OAS2: variants seen among roughly 807,000 people sequenced by gnomAD.
The protein encoded by OAS2 is 2'-5'-oligoadenylate synthase 2.
Under a neutral mutation model 71.3 loss-of-function variants are expected in OAS2, and 67 were observed. The ratio of observed to expected loss-of-function variants is 0.94; its 90% confidence interval spans 0.77 to 1.15. The LOEUF (loss-of-function observed/expected upper bound fraction) is 1.15. OAS2 is among the 50% of genes most tolerant of loss of function. The pLI is 0.00. For missense variants in OAS2, 789 were observed against 822.5 expected (o/e 0.96, Z 0.50); for synonymous variants, 327 against 321.8 (o/e 1.02, Z -0.17).
intron 7 of OAS2, 117 bp from the exon 8 acceptor site, chr12:113,006,296 A>G (rs997306578): frequency 2.4e-6 from 2 of 837,378 alleles, no homozygotes; most frequent in African/African-American, 3.4e-5. Context: ...TCTTTTAAAT[A>G]TGCTAATACT....
chr12:112,994,009 C>T (rs1408021615), intron 2 of OAS2, among the ~76,000 whole-genome samples: 1 of 151,620 alleles, frequency 6.6e-6, no homozygotes, highest in Non-Finnish European at 1.5e-5. Context: ...AGAAATTGAC[C>T]CTTCTGATCT....
rs187453752 is a variant in OAS2, at chr12:113,007,552, A to G, written c.1657-153A>G. 1.9e-3 allele frequency among the ~76,000 whole-genome samples: 282 copies of G among 152,210 alleles called. 1 individual carries two copies. The highest frequency in any genetic ancestry group is 4.7e-3 in the Admixed American group (72 of 15,290). ...ACTCAAATGTGCTGCTGCCAGGTGG[A>G]CTCCTGTAGGCTGTACAATTTAGAC... On this transcript the variant is annotated intron_variant, in intron 8 of 9. Coordinates refer to ENST00000392583, the MANE Select transcript of OAS2 (RefSeq NM_002535.3).
intron 7 of OAS2, among the ~76,000 whole-genome samples, chr12:113,006,055 TG>T (rs2044332445): frequency 1.3e-5 from 2 of 151,910 alleles, no homozygotes; most frequent in Admixed American, 1.3e-4. Context: ...GTTCTATGTC[TG>T]GGTTCTACAA....
At chr12:112,992,148 G>A (rs571524212) in intron 2 of OAS2, among the ~76,000 whole-genome samples, 7 of 151,992 alleles carry the variant, frequency 4.6e-5, no homozygotes, top group South Asian at 4.1e-4. Context: ...TAATCCCAGC[G>A]CTTTGGGAGG....
intron 1 of OAS2, among the ~76,000 whole-genome samples, chr12:112,980,344 T>G (rs1429742870): frequency 2.0e-5 from 3 of 152,188 alleles, no homozygotes; most frequent in African/African-American, 7.2e-5. Flanking sequence ...ACACTAGAAT[T>G]TATCCCTTCT....
intron 8 of OAS2, among the ~76,000 whole-genome samples, chr12:113,007,027 C>T (rs946287735): frequency 5.3e-5 from 8 of 152,214 alleles, no homozygotes; most frequent in South Asian, 2.1e-4. Flanking sequence ...GCTTGAACAA[C>T]TGGTCAGCCC....
intron 2 of OAS2, among the ~76,000 whole-genome samples, chr12:112,995,016 G>A (rs145815604): frequency 2.0e-4 from 31 of 152,178 alleles, no homozygotes; most frequent in African/African-American, 6.3e-4. Context: ...TCCCTTTCTC[G>A]TTTATAATTC....
Position 113,007,731 on chromosome 12 carries a change from G to C in OAS2, c.1683G>C (p.Gly561=), listed in dbSNP as rs2044346902. 1 of 1,613,992 alleles carries C rather than the reference G, an allele frequency of 6.2e-7. No homozygotes were observed. Among genetic ancestry groups the C allele is most frequent in the African/African-American group, 1.3e-5 (1 of 74,918 alleles). The stretch of plus-strand genomic sequence containing the variant: ...GTGAAAGGAAACTGAAGCCAAAGGG[G>C]TCTTTGCCCCCAAAGTATGCCTTGG... ...KECERKLKPK[G]SLPPKYALEL... The change falls in exon 9 of 10, where the codon GGG becomes GGC. Residue 561 remains glycine, a synonymous_variant. Coordinates refer to ENST00000392583, the MANE Select transcript of OAS2 (RefSeq NM_002535.3).
chr12:113,001,290 G>A (rs1393222997), intron 5 of OAS2, among the ~76,000 whole-genome samples: 1 of 151,862 alleles, frequency 6.6e-6, no homozygotes, highest in African/African-American at 2.4e-5. Flanking sequence ...TTGTGCCACT[G>A]CATTCAGCCT....
intron 5 of OAS2, among the ~76,000 whole-genome samples, chr12:112,999,574 G>A (rs2044265965): frequency 6.6e-6 from 1 of 152,150 alleles, no homozygotes; most frequent in Non-Finnish European, 1.5e-5. Flanking sequence ...ACAGAGGTTG[G>A]GGAGTCTATG....
intron 8 of OAS2, 78 bp from the exon 9 acceptor site, chr12:113,007,627 G>C: frequency 8.7e-7 from 1 of 1,148,684 alleles, no homozygotes; most frequent in Non-Finnish European, 1.3e-6. Flanking sequence ...TGACTCAGTT[G>C]CCTTGCTGTG....
intron 5 of OAS2, among the ~76,000 whole-genome samples, chr12:113,001,664 C>T (rs1007530212): frequency 3.3e-5 from 5 of 151,226 alleles, no homozygotes; most frequent in African/African-American, 1.2e-4. Flanking sequence ...CTTCCAACAT[C>T]ACACCACCTA....
At chr12:112,983,667 T>A (rs2044104072) in intron 1 of OAS2, among the ~76,000 whole-genome samples, 1 of 152,260 alleles carries the variant, frequency 6.6e-6, no homozygotes, top group African/African-American at 2.4e-5. Flanking sequence ...TTTTCATTTG[T>A]TTCCAGAAAT....
rs200173347 is a variant in OAS2 at position 113,007,866 on chromosome 12, C to A, written c.1818C>A (p.Cys606Ter). ...LELVTQYQQLCIFWKVNYNFE... is the reference protein window; with the variant it reads ...LELVTQYQQL ...TGGTCACACAATATCAGCAGCTCTG[C>A]ATCTTCTGGAAGGTCAATTACAACT... Residue 606 changes from cysteine to a stop codon, truncating the protein, a stop_gained, in exon 9 of 10, where the codon TGC (cysteine) becomes TGA (stop). Transcript: ENST00000392583. LOFTEE classifies it high-confidence loss of function. 6.2e-7 allele frequency: 1 copy of A among 1,614,170 alleles called. No homozygotes were observed. The highest frequency in any genetic ancestry group is 8.5e-7 in the Non-Finnish European group (1 of 1,180,020).
At chr12:112,991,877 A>G (rs1385203221) in intron 2 of OAS2, among the ~76,000 whole-genome samples, 2 of 152,134 alleles carry the variant, frequency 1.3e-5, no homozygotes, top group Admixed American at 1.3e-4. Flanking sequence ...TTGTTCTTCT[A>G]TGGTCTCTAG....
chr12:112,987,583 C>A, intron 2 of OAS2: 6 of 1,274,398 alleles, frequency 4.7e-6, no homozygotes, highest in Non-Finnish European at 5.9e-6. Flanking sequence ...CATAAATCAC[C>A]TGGAACCTTG....
Position 113,009,095 on chromosome 12 carries a change from T to A in OAS2, c.1904T>A (p.Ile635Asn). ...TCTAACCTCTCATTCAGGCCTGTGA[T>A]CTTGGACCCAGCCGAACCCACAGGT... is the stretch of plus-strand genomic sequence containing the variant. ...LSQLQKTRPV[I>N]LDPAEPTGDV... Residue 635 changes from isoleucine to asparagine, a missense_variant, in exon 10 of 10, where the codon ATC becomes AAC. Ile to Asn is a moderately radical substitution (Grantham distance 149, BLOSUM62 -3). Coordinates refer to ENST00000392583, the MANE Select transcript of OAS2 (RefSeq NM_002535.3). 1.2e-6 allele frequency: 2 copies of A among 1,613,382 alleles called. No homozygotes were observed. Among genetic ancestry groups the A allele is most frequent in the Non-Finnish European group, 1.7e-6 (2 of 1,179,888 alleles).
chr12:112,997,744 C>T lies in OAS2; in HGVS notation c.852C>T (p.Leu284=). The change falls in exon 4 of 10, where the codon CTC becomes CTT. Residue 284 remains leucine (L), a synonymous_variant. Transcript: ENST00000392583. ...ETIRNILLHQ[L]QSARPVILDP... The stretch of plus-strand genomic sequence containing the variant: ...TCAGGAACATCCTGCTGCACCAGCT[C>T]CAATCAGCGAGGTGCCAAGCTTCTC... 1 of 1,590,540 alleles carries T rather than the reference C, an allele frequency of 6.3e-7. No homozygotes were observed. Among genetic ancestry groups the T allele is most frequent in the Non-Finnish European group, 8.6e-7 (1 of 1,166,836 alleles).
chr12:113,010,514 C>T lies in OAS2; in HGVS notation c.*1259C>T, dbSNP rs770851163. The T allele has an allele frequency of 1.4e-5, 22 of 1,607,390 alleles. No individual in the cohort carries two copies. Among genetic ancestry groups the T allele is most frequent in the East Asian group, 6.7e-5 (3 of 44,804 alleles). On this transcript the variant is annotated 3_prime_UTR_variant, in exon 10 of 10. Coordinates refer to ENST00000392583, the MANE Select transcript of OAS2 (RefSeq NM_002535.3). ...CATCTGGCAATCGCTTTTAAAGACT[C>T]GGCTCACCGTGAGAAAGAGTCACTC...
Sources: allele counts gnomAD v4.1 joint callset (sites outside exome capture counted in the v4.1 genomes callset), GRCh38; gene constraint gnomAD v4.1.1; transcripts MANE v1.5; gene names NCBI Gene and HGNC (gene_info 2026-07-23, HGNC 2026-07-21).